CCDC3: variants seen among roughly 807,000 people sequenced by gnomAD.
The protein encoded by CCDC3 is coiled-coil domain containing 3, also known as coiled-coil domain-containing protein 3.
CCDC3 carries 24 observed loss-of-function variants against 21.4 expected under a neutral mutation model. The observed-to-expected ratio is 1.12, with a 90% CI of 0.81 to 1.58. The LOEUF is 1.58. Among genes scored for constraint, CCDC3 ranks in the 40% most tolerant of loss-of-function variants. The probability of loss-of-function intolerance (pLI) is 0.00; values close to 1 mark genes in which losing one functional copy is unlikely to be tolerated. For missense variants in CCDC3, 425 were observed against 360.9 expected, an observed-to-expected ratio of 1.18 and a Z score of -1.44; for synonymous variants, 186 against 166.0, an observed-to-expected ratio of 1.12 and a Z score of -0.93.
At chr10:13,005,978 G>A (rs922722706), upstream of CCDC3, among the ~76,000 whole-genome samples, 1 of 152,142 alleles carries the variant, frequency 6.6e-6, no homozygotes, top group Non-Finnish European at 1.5e-5. Context: ...TGACAATTGA[G>A]CCCCCAGAAA....
intron 1 of CCDC3, 96 bp downstream of exon 1, chr10:13,001,101 G>T (rs1835842069): frequency 7.0e-7 from 1 of 1,438,010 alleles, no homozygotes; most frequent in Non-Finnish European, 9.3e-7. Flanking sequence ...ACACCGACAG[G>T]CTGCCCGGGG....
intron 2 of CCDC3, among the ~76,000 whole-genome samples, chr10:12,951,453 C>T (rs1564296227): frequency 3.9e-5 from 6 of 152,220 alleles, no homozygotes; most frequent in Admixed American, 6.5e-5. Context: ...GAAATCCATC[C>T]GGGGGTCTCT....
intron 4 of CCDC3, among the ~76,000 whole-genome samples, chr10:13,070,889 G>T (rs538390328): frequency 6.6e-6 from 1 of 152,258 alleles, no homozygotes; most frequent in African/African-American, 2.4e-5. Flanking sequence ...TTATCATTAG[G>T]TTCTAGATTC....
In CCDC3 at chr10:12,933,454, C is replaced by CTTTTTTTTTTTTTTTTTTT. The variant is rs545950029; in HGVS notation, c.550-34776_550-34775insAAAAAAAAAAAAAAAAAAA. ...GGCATAGAGTTGTTGATAATATTCC[C>CTTTTTTTTTTTTTTTTTTT]TTTATTTTTTTTTTTTTTGAGACAG... is the stretch of plus-strand genomic sequence containing the variant. On this transcript the variant is annotated intron_variant, in intron 2 of 2. Coordinates refer to ENST00000378825, the MANE Select transcript of CCDC3 (RefSeq NM_031455.4). 3.5e-5 allele frequency among the ~76,000 whole-genome samples: 4 copies of CTTTTTTTTTTTTTTTTTTT among 115,830 alleles called. 2 individuals carry two copies. Among genetic ancestry groups the CTTTTTTTTTTTTTTTTTTT allele is most frequent in the African/African-American group, 6.3e-5 (2 of 31,702 alleles). The allele number at this position is 115,830 out of a possible 152,430, so 76.0% of individuals were successfully genotyped here.
chr10:12,921,575 C>T, intron 2 of CCDC3, among the ~76,000 whole-genome samples: 1 of 152,214 alleles, frequency 6.6e-6, no homozygotes, highest in Non-Finnish European at 1.5e-5. Flanking sequence ...ATATACATAA[C>T]ATAAAATTTA....
chr10:12,982,470 A>G (rs1835513794), intron 2 of CCDC3, among the ~76,000 whole-genome samples: 1 of 150,458 alleles, frequency 6.6e-6, no homozygotes, highest in African/African-American at 2.4e-5. Flanking sequence ...TTAAGAGTAG[A>G]TTTCATATTA....
intron 1 of CCDC3, among the ~76,000 whole-genome samples, chr10:13,000,459 G>A (rs1012779617): frequency 2.4e-4 from 36 of 152,004 alleles, no homozygotes; most frequent in African/African-American, 8.5e-4. Flanking sequence ...AATCAAAGAG[G>A]ACCTCCTGGC....
At chr10:13,018,619 A>G (rs1055058023) in intron 5 of CCDC3, among the ~76,000 whole-genome samples, 3 of 152,136 alleles carry the variant, frequency 2.0e-5, no homozygotes, top group African/African-American at 7.2e-5. Context: ...TTAGTGGGAT[A>G]TTATGATGGA....
chr10:13,058,958 A>G (rs1836717750), intron 4 of CCDC3, among the ~76,000 whole-genome samples: 1 of 152,102 alleles, frequency 6.6e-6, no homozygotes, highest in African/African-American at 2.4e-5. Context: ...TTTCATAACA[A>G]CTCCTGTGGA....
intron 5 of CCDC3, among the ~76,000 whole-genome samples, chr10:13,018,795 G>A (rs1188257478): frequency 2.0e-5 from 3 of 151,764 alleles, no homozygotes; most frequent in Non-Finnish European, 2.9e-5. Context: ...TCAGCTGGGC[G>A]AGGTGGTGAG....
intron 4 of CCDC3, among the ~76,000 whole-genome samples, chr10:13,069,787 C>G (rs1418801082): frequency 6.6e-6 from 1 of 152,176 alleles, no homozygotes; most frequent in Non-Finnish European, 1.5e-5. Context: ...CGCTATCAAT[C>G]ATAATTAAGG....
intron 2 of CCDC3, among the ~76,000 whole-genome samples, chr10:12,975,540 C>T (rs1835404562): frequency 6.6e-6 from 1 of 152,224 alleles, no homozygotes; most frequent in African/African-American, 2.4e-5. Context: ...TGAACCACCC[C>T]TGCTCCGGTT....
intron 4 of CCDC3, among the ~76,000 whole-genome samples, chr10:13,054,019 C>T (rs1354360442): frequency 6.6e-6 from 1 of 151,928 alleles, no homozygotes; most frequent in African/African-American, 2.4e-5. Context: ...GTGGTGCATG[C>T]CTGTAATCCC....
intron 2 of CCDC3, among the ~76,000 whole-genome samples, chr10:12,973,066 T>C (rs1428268116): frequency 1.3e-5 from 2 of 152,128 alleles, no homozygotes; most frequent in East Asian, 1.9e-4. Context: ...ATAAGGACAA[T>C]GTGGCAGCTA....
intron 2 of CCDC3, among the ~76,000 whole-genome samples, chr10:12,945,842 T>A (rs1834908059): frequency 6.6e-6 from 1 of 152,220 alleles, no homozygotes; most frequent in South Asian, 2.1e-4. Flanking sequence ...AAGGTTGCCT[T>A]TGACTATCTG....
intron 2 of CCDC3, among the ~76,000 whole-genome samples, chr10:12,933,956 T>TA (rs35174819): frequency 0.4 from 60,388 of 151,910 alleles, 12,208 homozygotes; most frequent in East Asian, 0.48. Context: ...CTCTAATTTT[T>TA]ATTATTACTT....
chr10:13,039,134 G>C (rs1836416996), intron 5 of CCDC3, among the ~76,000 whole-genome samples: 2 of 152,122 alleles, frequency 1.3e-5, no homozygotes, highest in African/African-American at 4.8e-5. Flanking sequence ...CTTTCTTTAG[G>C]AAAAGTACTT....
chr10:12,975,969 C>A (rs1835411712), intron 2 of CCDC3, among the ~76,000 whole-genome samples: 1 of 152,230 alleles, frequency 6.6e-6, no homozygotes, highest in Admixed American at 6.5e-5. Context: ...CTCTTGAAGG[C>A]AGGAGATGCA....
chr10:12,971,430 C>T (rs546719320), intron 2 of CCDC3, among the ~76,000 whole-genome samples: 16 of 152,314 alleles, frequency 1.1e-4, no homozygotes, highest in Non-Finnish European at 8.8e-5. Context: ...TGTAGCCCAC[C>T]GCAGATGGAG....
Sources: gnomAD v4.1 joint callset for allele counts (sites outside exome capture counted in the v4.1 genomes callset) on GRCh38, gnomAD v4.1.1 for gene constraint, MANE v1.5 for transcripts, NCBI Gene and HGNC (gene_info 2026-07-23, HGNC 2026-07-21) for gene names.